Variants in MACROD2 observed in about 807,000 individuals in gnomAD.
MACROD2 encodes the protein mono-ADP ribosylhydrolase 2, also known as ADP-ribose glycohydrolase MACROD2.
A neutral mutation model predicts 70.4 loss-of-function variants in MACROD2; 36 were observed. The ratio of observed to expected loss-of-function variants is 0.51; its 90% CI spans 0.39 to 0.68. The LOEUF (loss-of-function observed/expected upper bound fraction) is 0.68, where lower values mean the gene tolerates loss of function less well. MACROD2 is among the 30% of genes least tolerant of loss of function. The pLI, the probability that MACROD2 is intolerant of heterozygous loss-of-function variation, is 0.00. For missense variants in MACROD2, 496 were observed against 538.4 expected, an observed-to-expected ratio of 0.92 and a Z score of 0.78; for synonymous variants, 172 against 178.8, an observed-to-expected ratio of 0.96 and a Z score of 0.30.
At chr20:14,714,282 A>G (rs1045432889) in intron 5 of MACROD2, among the ~76,000 whole-genome samples, 2 of 152,080 alleles carry the variant, frequency 1.3e-5, no homozygotes, top group East Asian at 1.9e-4. Context: ...TCCATCCTGC[A>G]TTGGGCCACA....
chr20:14,613,595 A>G (rs1983301146), intron 4 of MACROD2, among the ~76,000 whole-genome samples: 3 of 152,098 alleles, frequency 2.0e-5, no homozygotes, highest in Non-Finnish European at 4.4e-5. Flanking sequence ...GGGACAAAAC[A>G]CAGTGGAGAT....
intron 15 of MACROD2, among the ~76,000 whole-genome samples, chr20:16,032,669 T>G (rs2067167896): frequency 4.5e-5 from 6 of 133,202 alleles, no homozygotes; most frequent in African/African-American, 1.2e-4. Context: ...GAAAGAGGGA[T>G]GGATGAGAAG....
At chr20:14,183,795 G>T (rs6079339) in intron 3 of MACROD2, among the ~76,000 whole-genome samples, 2 of 152,176 alleles carry the variant, frequency 1.3e-5, no homozygotes, top group African/African-American at 4.8e-5. Context: ...TCAGTGATGT[G>T]GAGCTTTTTT....
chr20:14,650,423 C>T (rs1317542583), intron 4 of MACROD2, among the ~76,000 whole-genome samples: 1 of 152,164 alleles, frequency 6.6e-6, no homozygotes, highest in East Asian at 1.9e-4. Context: ...TAATTATCTC[C>T]TCACCCCTAC....
chr20:15,864,253 T>G (rs2064462744), intron 9 of MACROD2, among the ~76,000 whole-genome samples: 3 of 152,210 alleles, frequency 2.0e-5, no homozygotes, highest in African/African-American at 7.2e-5. Context: ...TGCTCCATTT[T>G]TCCTTTTGAC....
intron 6 of MACROD2, among the ~76,000 whole-genome samples, chr20:15,281,687 T>C (rs2077446176): frequency 6.6e-6 from 1 of 152,214 alleles, no homozygotes; most frequent in South Asian, 2.1e-4. Flanking sequence ...CCCACCCAGC[T>C]GCTTTCATGG....
intron 5 of MACROD2, among the ~76,000 whole-genome samples, chr20:14,762,880 A>C (rs1311779869): frequency 1.3e-5 from 2 of 152,116 alleles, no homozygotes; most frequent in Admixed American, 1.3e-4. Context: ...CGGTGAGCTG[A>C]GATTGCGCCA....
rs550204481 is a variant in MACROD2, at chr20:14,517,654, T to A, written c.301+24146T>A. Among the ~76,000 whole-genome samples the A allele has an allele frequency of 4.6e-5, 7 of 152,296 alleles. No individual in the cohort carries two copies. The South Asian group carries it at 1.5e-3, about 32-fold the overall frequency. Reference sequence around the variant, plus strand: ...ATACCTGTGTAACAAACCTGCATGTTCTGCACATGTATCCCAGAACTTAAA... The same window carrying A: ...ATACCTGTGTAACAAACCTGCATGTACTGCACATGTATCCCAGAACTTAAA... On this transcript the variant is annotated intron_variant, in intron 4 of 17. Coordinates refer to ENST00000684519, the MANE Select transcript of MACROD2 (RefSeq NM_001351661.2).
chr20:15,745,580 G>C (rs955705654), intron 8 of MACROD2, among the ~76,000 whole-genome samples: 4 of 151,970 alleles, frequency 2.6e-5, no homozygotes, highest in African/African-American at 9.7e-5. Flanking sequence ...ATTTCTTCTG[G>C]ATGTTTTTGA....
intron 3 of MACROD2, among the ~76,000 whole-genome samples, chr20:14,231,126 T>C (rs2081807601): frequency 1.3e-5 from 2 of 151,780 alleles, no homozygotes; most frequent in Non-Finnish European, 2.9e-5. Flanking sequence ...TTTAGCATCA[T>C]TCTTTTTTTT....
At chr20:15,630,271 G>A (rs1270531555) in intron 8 of MACROD2, among the ~76,000 whole-genome samples, 4 of 152,222 alleles carry the variant, frequency 2.6e-5, no homozygotes, top group Admixed American at 1.3e-4. Context: ...GATATCGCAA[G>A]AGATAAGACA....
chr20:15,481,719 A>G (rs2047100896), intron 7 of MACROD2, among the ~76,000 whole-genome samples: 1 of 152,210 alleles, frequency 6.6e-6, no homozygotes, highest in Non-Finnish European at 1.5e-5. Flanking sequence ...AAGACAGCAT[A>G]CAAATGTCTG....
chr20:15,654,055 G>A (rs899582925), intron 8 of MACROD2, among the ~76,000 whole-genome samples: 6 of 152,118 alleles, frequency 3.9e-5, no homozygotes, highest in South Asian at 2.1e-4. Flanking sequence ...GTTACCTTGC[G>A]CTTTTCATGG....
chr20:14,127,676 CTG>C (rs2054669492), intron 3 of MACROD2: 2 of 393,316 alleles, frequency 5.1e-6, no homozygotes, highest in Non-Finnish European at 4.8e-6. Context: ...TGGTATTCCA[CTG>C]CATGCTAATT....
chr20:15,170,638 A>G (rs913750758), intron 5 of MACROD2, among the ~76,000 whole-genome samples: 2 of 152,148 alleles, frequency 1.3e-5, no homozygotes, highest in African/African-American at 4.8e-5. Flanking sequence ...TCATCCTCAG[A>G]GCTCCCACAG....
intron 3 of MACROD2, among the ~76,000 whole-genome samples, chr20:14,465,816 A>G (rs1248684750): frequency 6.6e-6 from 1 of 152,084 alleles, no homozygotes; most frequent in African/African-American, 2.4e-5. Flanking sequence ...TGGATATGAA[A>G]TTCTGAGTTG....
chr20:15,039,736 GTACTTACGGAGACAGCAGA>G (rs1423388723), intron 5 of MACROD2, among the ~76,000 whole-genome samples: 2 of 152,114 alleles, frequency 1.3e-5, no homozygotes, highest in East Asian at 1.9e-4. Flanking sequence ...GAGACAGCAG[GTACTTACGGAGACAGCAGA>G]TACTTTTAGA....
intron 8 of MACROD2, among the ~76,000 whole-genome samples, chr20:15,605,161 C>T (rs2146696282): frequency 6.6e-6 from 1 of 152,234 alleles, no homozygotes; most frequent in South Asian, 2.1e-4. Context: ...TCACTTTCTT[C>T]TTTTTTCATC....
intron 5 of MACROD2, among the ~76,000 whole-genome samples, chr20:14,771,359 A>G (rs1014662719): frequency 1.3e-5 from 2 of 152,054 alleles, no homozygotes; most frequent in African/African-American, 4.8e-5. Flanking sequence ...GATGAATGAA[A>G]ATGCTCATTT....
Sources: allele counts gnomAD v4.1 joint callset (sites outside exome capture counted in the v4.1 genomes callset), GRCh38; gene constraint gnomAD v4.1.1; transcripts MANE v1.5; gene names NCBI Gene and HGNC (gene_info 2026-07-23, HGNC 2026-07-21).